The following CHST9 variants were observed in gnomAD, a reference collection of about 807,000 sequenced individuals.
CHST9 encodes the protein GalNAc-4-sulfotransferase 2.
A neutral mutation model predicts 44.4 loss-of-function variants in CHST9; 41 were observed. The ratio of observed to expected loss-of-function variants is 0.92; its 90% confidence interval spans 0.72 to 1.20. The LOEUF is 1.20. Ranked by LOEUF, CHST9 falls within the 50% of genes most tolerant of loss-of-function variation. CHST9 has a pLI of 0.00. For synonymous variants in CHST9, 171 were observed against 178.4 expected, an observed-to-expected ratio of 0.96 and a Z score of 0.33; for missense variants, 504 against 516.5, an observed-to-expected ratio of 0.98 and a Z score of 0.23.
intron 4 of CHST9, among the ~76,000 whole-genome samples, chr18:26,968,248 G>T (rs1330780559): frequency 1.3e-5 from 2 of 151,966 alleles, no homozygotes; most frequent in Non-Finnish European, 2.9e-5. Context: ...GGTTGTTATT[G>T]CTACATGACC....
chr18:27,075,676 A>G (rs181051490), intron 2 of CHST9, among the ~76,000 whole-genome samples: 41 of 151,952 alleles, frequency 2.7e-4, no homozygotes, highest in African/African-American at 9.7e-4. Flanking sequence ...ACAATGAAGT[A>G]TCTCTTCCAC....
At chr18:27,133,407 G>C (rs78179172) in intron 2 of CHST9, among the ~76,000 whole-genome samples, 35 of 152,128 alleles carry the variant, frequency 2.3e-4, no homozygotes, top group Admixed American at 6.5e-5. Context: ...GCAAAAGCAG[G>C]GGACAGCACG....
chr18:27,149,945 T>A (rs2058646714), intron 1 of CHST9, among the ~76,000 whole-genome samples: 2 of 152,092 alleles, frequency 1.3e-5, no homozygotes, highest in Non-Finnish European at 2.9e-5. Context: ...ATCCTTTATC[T>A]CTTTGCATAT....
chr18:27,128,863 T>C (rs890618995), intron 2 of CHST9, among the ~76,000 whole-genome samples: 1 of 152,234 alleles, frequency 6.6e-6, no homozygotes, highest in Admixed American at 6.5e-5. Context: ...ACCAAAGATC[T>C]GATACATTGT....
At position 26,926,253 on chromosome 18, in the gene CHST9, C is replaced by T. The variant is rs192268998; in HGVS notation, c.241-8903G>A. Among the ~76,000 whole-genome samples, 1,133 of 152,278 alleles carry T rather than the reference C, an allele frequency of 7.4e-3. 20 individuals carry two copies. The highest frequency in any genetic ancestry group is 7.7e-3 in the Non-Finnish European group (526 of 68,016). ...GATCCAAAAAGCTAATTTCTATGGTCCTCTTGGATTCAAGGATTGAAACTA... is the reference window on the plus strand; with the variant it reads ...GATCCAAAAAGCTAATTTCTATGGTTCTCTTGGATTCAAGGATTGAAACTA... On this transcript the variant is annotated intron_variant, in intron 5 of 5. Coordinates refer to ENST00000618847, the MANE Select transcript of CHST9 (RefSeq NM_031422.6).
At chr18:27,173,476 C>A (rs1335221371) in intron 1 of CHST9, among the ~76,000 whole-genome samples, 1 of 152,006 alleles carries the variant, frequency 6.6e-6, no homozygotes, top group Non-Finnish European at 1.5e-5. Flanking sequence ...CACATATTGC[C>A]ATAGATGACT....
At chr18:27,102,863 T>C (rs2143755875) in intron 2 of CHST9, among the ~76,000 whole-genome samples, 1 of 152,340 alleles carries the variant, frequency 6.6e-6, no homozygotes, top group East Asian at 1.9e-4. Flanking sequence ...TCAACACTTT[T>C]TTTTTTCTGT....
At chr18:27,155,583 C>A (rs1363275089) in intron 1 of CHST9, among the ~76,000 whole-genome samples, 1 of 152,148 alleles carries the variant, frequency 6.6e-6, no homozygotes, top group African/African-American at 2.4e-5. Context: ...CATAACAAAT[C>A]TGTTCTCTCC....
chr18:26,987,260 T>G (rs371972586), intron 4 of CHST9, among the ~76,000 whole-genome samples: 1 of 152,328 alleles, frequency 6.6e-6, no homozygotes, highest in East Asian at 1.9e-4. Flanking sequence ...CCTTAGGTTT[T>G]GGCTCTCTTT....
chr18:27,166,430 G>A (rs983273707), intron 1 of CHST9, among the ~76,000 whole-genome samples: 1 of 151,926 alleles, frequency 6.6e-6, no homozygotes, highest in African/African-American at 2.4e-5. Context: ...TTTTGTCTCT[G>A]GACACATGAA....
chr18:27,072,389 A>G (rs2057850355), intron 2 of CHST9, among the ~76,000 whole-genome samples: 1 of 151,938 alleles, frequency 6.6e-6, no homozygotes, highest in Admixed American at 6.6e-5. Flanking sequence ...TGTTAGCTCC[A>G]GTGGACTCAT....
At chr18:26,948,873 G>A (rs999757196) in intron 4 of CHST9, among the ~76,000 whole-genome samples, 1 of 152,146 alleles carries the variant, frequency 6.6e-6, no homozygotes, top group Non-Finnish European at 1.5e-5. Flanking sequence ...TAAGTGTAGG[G>A]TGTGTGTGGG....
intron 2 of CHST9, among the ~76,000 whole-genome samples, chr18:27,074,932 A>G (rs2057885059): frequency 6.7e-6 from 1 of 148,774 alleles, no homozygotes; most frequent in African/African-American, 2.4e-5. Flanking sequence ...ATAACTTATA[A>G]GATTTAACAT....
chr18:27,131,276 G>A (rs2058469463), intron 2 of CHST9, among the ~76,000 whole-genome samples: 1 of 152,104 alleles, frequency 6.6e-6, no homozygotes, highest in Admixed American at 6.5e-5. Flanking sequence ...CTGGCCAAGC[G>A]TGGTGGCGCA....
At chr18:27,139,110 T>C (rs940253508) in intron 2 of CHST9, among the ~76,000 whole-genome samples, 1 of 152,160 alleles carries the variant, frequency 6.6e-6, no homozygotes, top group Non-Finnish European at 1.5e-5. Context: ...ATATTTCAGA[T>C]TTTTTGGATT....
At chr18:27,078,695 T>G (rs2057931504) in intron 2 of CHST9, among the ~76,000 whole-genome samples, 1 of 152,094 alleles carries the variant, frequency 6.6e-6, no homozygotes, top group Non-Finnish European at 1.5e-5. Context: ...TACATTGGAC[T>G]GTCTCTTCCA....
chr18:26,975,751 A>G (rs1175116139), intron 4 of CHST9, among the ~76,000 whole-genome samples: 15 of 139,202 alleles, frequency 1.1e-4, no homozygotes, highest in Admixed American at 9.8e-4. Flanking sequence ...ATATATATAT[A>G]TATATATATA....
At chr18:27,085,141 T>C (rs1320905038) in intron 2 of CHST9, among the ~76,000 whole-genome samples, 1 of 152,002 alleles carries the variant, frequency 6.6e-6, no homozygotes, top group African/African-American at 2.4e-5. Context: ...GAGTGTTCTG[T>C]AGATGTCTGT....
chr18:27,131,767 A>G (rs1251329405), intron 2 of CHST9, among the ~76,000 whole-genome samples: 1 of 152,200 alleles, frequency 6.6e-6, no homozygotes, highest in Non-Finnish European at 1.5e-5. Context: ...ATGAAAGGCA[A>G]GGGTGAAGAC....
Sources: allele counts gnomAD v4.1 joint callset (sites outside exome capture counted in the v4.1 genomes callset), GRCh38; gene constraint gnomAD v4.1.1; transcripts MANE v1.5; gene names NCBI Gene and HGNC (gene_info 2026-07-23, HGNC 2026-07-21).